The following TCEA1 variants were observed in gnomAD, a reference collection of about 807,000 sequenced individuals.
The protein encoded by TCEA1 is transcription elongation factor A protein 1.
In TCEA1, 21 loss-of-function variants were observed where a neutral mutation model predicts 43.8. The observed-to-expected ratio is 0.48, with a 90% CI of 0.34 to 0.69. The LOEUF (loss-of-function observed/expected upper bound fraction) is 0.69, where lower values mean the gene tolerates loss of function less well. Ranked by LOEUF, TCEA1 falls within the 30% of genes least tolerant of loss-of-function variation. TCEA1 has a pLI of 0.01. For synonymous variants in TCEA1, 104 were observed against 117.5 expected (o/e 0.88, Z 0.75); for missense variants, 250 against 365.1 (o/e 0.68, Z 2.57).
rs1249989294 is a variant in TCEA1 at position 53,967,223 on chromosome 8, T to C, written c.*881A>G. ...AGATTTCCGAATCAAAATCTAGTCA[T>C]GAACTGTTTACAATAGCTATACTAC... On this transcript the variant is annotated 3_prime_UTR_variant, in exon 10 of 10. Transcript: ENST00000521604. The C allele has an allele frequency of 4.9e-6, 1 of 203,066 alleles. No homozygotes were observed. The highest frequency in any genetic ancestry group is 2.3e-5 in the African/African-American group (1 of 43,718). The allele number at this position is 203,066 out of a possible 1,614,324, so 12.6% of individuals were successfully genotyped here.
intron 1 of TCEA1, 104 bp from the exon 2 acceptor site, chr8:54,010,596 T>C: frequency 2.4e-6 from 2 of 835,344 alleles, no homozygotes; most frequent in Non-Finnish European, 3.7e-6. Flanking sequence ...TAAAGAGGAA[T>C]AAAATCAGAT....
chr8:54,014,307 T>A (rs1334106060), intron 1 of TCEA1, among the ~76,000 whole-genome samples: 2 of 152,110 alleles, frequency 1.3e-5, no homozygotes, highest in African/African-American at 4.8e-5. Flanking sequence ...AAGCATCACC[T>A]AGCTCTAAAT....
At chr8:53,981,114 A>T (rs1250603448) in intron 7 of TCEA1, among the ~76,000 whole-genome samples, 1 of 152,206 alleles carries the variant, frequency 6.6e-6, no homozygotes, top group African/African-American at 2.4e-5. Context: ...TCAAGAGGCT[A>T]CCAGAAGCTG....
intron 7 of TCEA1, among the ~76,000 whole-genome samples, chr8:53,980,965 T>C (rs979164647): frequency 1.3e-5 from 2 of 152,182 alleles, no homozygotes; most frequent in African/African-American, 4.8e-5. Context: ...AAAATAGCCT[T>C]ATTGCCGATA....
intron 1 of TCEA1, 173 bp downstream of exon 1, chr8:54,021,890 G>T: frequency 2.1e-6 from 1 of 475,190 alleles, no homozygotes; most frequent in Non-Finnish European, 3.5e-6. Context: ...AGGTTGCCGC[G>T]GGACCCGACG....
Position 53,988,181 on chromosome 8 carries a change from T to C in TCEA1, c.399A>G (p.Ala133=), listed in dbSNP as rs1803753610. 1 of 1,612,948 alleles carries C rather than the reference T, an allele frequency of 6.2e-7. No homozygotes were observed. Among genetic ancestry groups the C allele is most frequent in the African/African-American group, 1.3e-5 (1 of 74,922 alleles). Residue 133 remains alanine, a synonymous_variant, in exon 5 of 10, where the codon GCA becomes GCG. Transcript: ENST00000521604. The part of the protein sequence containing the change: ...RDTYVSSFPR[A]PSTSDSVRLK... ...ACCGCACAGAATCAGAAGTGCTTGG[T>C]GCCCGAGGAAAGGATGAAACATAAG...
intron 1 of TCEA1, 62 bp from the exon 2 acceptor site, chr8:54,010,554 A>G: frequency 7.4e-7 from 1 of 1,348,722 alleles, no homozygotes; most frequent in Non-Finnish European, 1.0e-6. Context: ...CTAGCCAGAA[A>G]TAAGGTTCAT....
intron 2 of TCEA1, among the ~76,000 whole-genome samples, chr8:54,004,779 GT>G (rs780094211): frequency 8.4e-5 from 11 of 131,698 alleles, no homozygotes; most frequent in Non-Finnish European, 1.7e-4. Context: ...CAATAATACT[GT>G]TTAAAAAAAA....
chr8:54,003,842 A>C (rs892039653), intron 2 of TCEA1, among the ~76,000 whole-genome samples: 2 of 152,190 alleles, frequency 1.3e-5, no homozygotes, highest in Non-Finnish European at 2.9e-5. Context: ...CGAGAAAGCA[A>C]AAAGATAATT....
At chr8:53,991,305 A>G (rs529136172) in intron 4 of TCEA1, among the ~76,000 whole-genome samples, 3 of 152,066 alleles carry the variant, frequency 2.0e-5, no homozygotes, top group African/African-American at 7.3e-5. Flanking sequence ...AGACAGGAGA[A>G]TCGCTTGAAC....
chr8:53,985,157 T>C (rs1306157745), intron 6 of TCEA1, among the ~76,000 whole-genome samples: 1 of 151,968 alleles, frequency 6.6e-6, no homozygotes, highest in African/African-American at 2.4e-5. Flanking sequence ...GCTGCGATTA[T>C]AAGCGCCTGC....
intron 1 of TCEA1, among the ~76,000 whole-genome samples, chr8:54,018,173 A>G (rs1804899286): frequency 6.6e-6 from 1 of 152,210 alleles, no homozygotes; most frequent in Non-Finnish European, 1.5e-5. Context: ...AATGTAAATC[A>G]ATATTTCAGG....
intron 2 of TCEA1, among the ~76,000 whole-genome samples, chr8:54,007,561 G>C (rs570344934): frequency 6.6e-6 from 1 of 152,198 alleles, no homozygotes; most frequent in South Asian, 2.1e-4. Flanking sequence ...TACAATGTAA[G>C]TAAACTGAAG....
chr8:53,977,822 C>G (rs1285031047), intron 8 of TCEA1, among the ~76,000 whole-genome samples: 1 of 152,022 alleles, frequency 6.6e-6, no homozygotes, highest in Non-Finnish European at 1.5e-5. Context: ...ATCAATATTA[C>G]AAAAAGGAAC....
rs1803005999 is a variant in TCEA1, at chr8:53,967,012, T to C, written c.*1092A>G. Reference sequence around the variant, plus strand: ...CACTTTAACAAAAGCAAAACTTAATTGTAAGATCTGTACTGTAAAGCTACT... The same window carrying C: ...CACTTTAACAAAAGCAAAACTTAATCGTAAGATCTGTACTGTAAAGCTACT... On this transcript the variant is annotated 3_prime_UTR_variant, in exon 10 of 10. Coordinates refer to ENST00000521604, the MANE Select transcript of TCEA1 (RefSeq NM_006756.4). 1 of 205,044 alleles carries C rather than the reference T, an allele frequency of 4.9e-6. No individual in the cohort carries two copies. The highest frequency in any genetic ancestry group is 1.9e-4 in the South Asian group (1 of 5,276). The allele number at this position is 205,044 out of a possible 1,614,324, so 12.7% of individuals were successfully genotyped here.
Position 53,968,028 on chromosome 8 carries a change from G to A in TCEA1, c.*76C>T, listed in dbSNP as rs1391135046. ...AAAAATTTGATTTGCAGGAAAACTA[G>A]TTGCTTGGCCTAGTTTAAAGCTAGT... On this transcript the variant is annotated 3_prime_UTR_variant, in exon 10 of 10. Transcript: ENST00000521604. 7.5e-7 allele frequency: 1 copy of A among 1,339,050 alleles called. No homozygotes were observed. The highest frequency in any genetic ancestry group is 1.5e-5 in the African/African-American group (1 of 68,456). 82.9% of individuals were successfully genotyped at this position (1,339,050 alleles called of 1,614,324 possible).
chr8:53,973,771 A>G (rs1486596466), intron 8 of TCEA1: 1 of 482,444 alleles, frequency 2.1e-6, no homozygotes, highest in East Asian at 5.2e-5. Context: ...CACTTGTTCA[A>G]TGTGCATCCC....
At chr8:54,002,134 G>A (rs1189980592) in intron 2 of TCEA1, among the ~76,000 whole-genome samples, 3 of 149,760 alleles carry the variant, frequency 2.0e-5, no homozygotes, top group Admixed American at 1.3e-4. Flanking sequence ...ACACCACTGC[G>A]CTCCAGCTTC....
intron 2 of TCEA1, chr8:54,009,669 CG>C (rs1804586720): frequency 1.3e-5 from 2 of 152,114 alleles, no homozygotes; most frequent in Admixed American, 1.3e-4. Flanking sequence ...GGGAAGGGTG[CG>C]TAAGTGAGGC....
Sources: allele counts gnomAD v4.1 joint callset (sites outside exome capture counted in the v4.1 genomes callset), GRCh38; gene constraint gnomAD v4.1.1; transcripts MANE v1.5; gene names NCBI Gene and HGNC (gene_info 2026-07-23, HGNC 2026-07-21).